Variants in CBX5 observed in about 807,000 individuals in gnomAD.
CBX5 encodes the protein chromobox 5.
In CBX5, 7 loss-of-function variants were observed where a neutral mutation model predicts 20.7. That is an observed-to-expected ratio of 0.34 (90% CI 0.19 to 0.63). The LOEUF (loss-of-function observed/expected upper bound fraction) is 0.63. Among genes scored for constraint, CBX5 ranks in the 30% least tolerant of loss-of-function variants. The pLI is 0.75. For missense variants in CBX5, 110 were observed against 224.1 expected (o/e 0.49, Z 3.25); for synonymous variants, 78 against 77.0 (o/e 1.01, Z -0.07).
chr12:54,265,023 C>A (rs765449918), intron 1 of CBX5, among the ~76,000 whole-genome samples: 1 of 152,056 alleles, frequency 6.6e-6, no homozygotes, highest in Non-Finnish European at 1.5e-5. Context: ...AGGAAGTAAG[C>A]CAGGGTTAAA....
rs1943626138 is a variant in CBX5, at chr12:54,236,666, G to A, written c.*5089C>T. 6.6e-6 allele frequency: 1 copy of A among 152,046 alleles called. No individual in the cohort carries two copies. Among genetic ancestry groups the A allele is most frequent in the African/African-American group, 2.4e-5 (1 of 41,406 alleles). 9.4% of individuals were successfully genotyped at this position (152,046 alleles called of 1,614,324 possible). A position where few individuals can be genotyped will look rare whatever the true frequency, so the allele number is the denominator to read the frequency against. On this transcript the variant is annotated 3_prime_UTR_variant, in exon 5 of 5. Transcript: ENST00000209875. ...TTCTAAAATCTCAACCAAAATGATG[G>A]GATCATGGGTGCAAAGTGGGTTTTT... is the stretch of plus-strand genomic sequence containing the variant.
chr12:54,279,073 T>C (rs1240357507), intron 1 of CBX5: 1 of 152,250 alleles, frequency 6.6e-6, no homozygotes, highest in Non-Finnish European at 1.5e-5. Context: ...AGATCTAATC[T>C]GCCTCGATCC....
chr12:54,244,051 G>C (rs1943707451), intron 4 of CBX5, among the ~76,000 whole-genome samples: 1 of 151,480 alleles, frequency 6.6e-6, no homozygotes, highest in Admixed American at 6.6e-5. Context: ...GCCCAGGCTG[G>C]AGTGCAGTGA....
chr12:54,261,590 C>T (rs912306711), intron 1 of CBX5, among the ~76,000 whole-genome samples: 35 of 152,150 alleles, frequency 2.3e-4, no homozygotes, highest in Non-Finnish European at 2.4e-4. Context: ...ACACTGCACC[C>T]GGCCAGAAAT....
chr12:54,266,216 G>A (rs992126419), intron 1 of CBX5, among the ~76,000 whole-genome samples: 15 of 151,734 alleles, frequency 9.9e-5, no homozygotes, highest in Non-Finnish European at 1.8e-4. Context: ...TGGCCAACAT[G>A]GCGAAACCAC....
At chr12:54,244,610 C>T (rs1233186981) in intron 4 of CBX5, among the ~76,000 whole-genome samples, 1 of 151,790 alleles carries the variant, frequency 6.6e-6, no homozygotes, top group Non-Finnish European at 1.5e-5. Context: ...TGGTGGTAGG[C>T]GCCTGTAATC....
rs541195431 is a variant in CBX5 at position 54,231,832 on chromosome 12, G to C, written c.*9923C>G. On this transcript the variant is annotated 3_prime_UTR_variant, in exon 5 of 5. Coordinates refer to ENST00000209875, the MANE Select transcript of CBX5 (RefSeq NM_012117.3). ...TTCTAGGAAAAATAATTCCAATGTA[G>C]CTTTTGGGGGTGGGGGGTGGAAATA... 2.0e-5 allele frequency: 3 copies of C among 152,532 alleles called. No homozygotes were observed. In the South Asian group the frequency reaches 6.2e-4, roughly 32 times the overall value. 9.4% of individuals were successfully genotyped at this position (152,532 alleles called of 1,614,324 possible).
At chr12:54,279,143 TACAA>T (rs1944101243) in intron 1 of CBX5, 1 of 152,212 alleles carries the variant, frequency 6.6e-6, no homozygotes, top group Admixed American at 6.5e-5. Flanking sequence ...TCTGTGGACC[TACAA>T]ACATATTTGT....
rs1227779586 is a variant in CBX5, at chr12:54,235,534, A to T, written c.*6221T>A. Reference sequence around the variant, plus strand: ...GAGGCTGAGGCAGGAGAATGGCGTGAACCCGGGAGGTGGAGCTTGCAGTGA... The same window carrying T: ...GAGGCTGAGGCAGGAGAATGGCGTGTACCCGGGAGGTGGAGCTTGCAGTGA... On this transcript the variant is annotated 3_prime_UTR_variant, in exon 5 of 5. Coordinates refer to ENST00000209875, the MANE Select transcript of CBX5 (RefSeq NM_012117.3). 6.6e-6 allele frequency: 1 copy of T among 152,164 alleles called. No individual in the cohort carries two copies. The highest frequency in any genetic ancestry group is 2.4e-5 in the African/African-American group (1 of 41,410). 9.4% of individuals were successfully genotyped at this position (152,164 alleles called of 1,614,324 possible). A position where few individuals can be genotyped will look rare whatever the true frequency, so the allele number is the denominator to read the frequency against.
intron 3 of CBX5, among the ~76,000 whole-genome samples, chr12:54,251,268 G>C (rs1206454591): frequency 6.6e-6 from 1 of 152,012 alleles, no homozygotes; most frequent in African/African-American, 2.4e-5. Context: ...AGACCAGCCT[G>C]ACCAACATGG....
intron 1 of CBX5, among the ~76,000 whole-genome samples, chr12:54,275,923 G>C (rs1565876173): frequency 6.6e-6 from 1 of 151,026 alleles, no homozygotes; most frequent in African/African-American, 2.4e-5. Flanking sequence ...CTGGGAGGCG[G>C]AGGTTGAGGT....
At position 54,237,209 on chromosome 12, in the gene CBX5, T is replaced by TATC. The variant is rs1469548383; in HGVS notation, c.*4543_*4545dup. 2 of 152,164 alleles carry TATC rather than the reference T, an allele frequency of 1.3e-5. No individual in the cohort carries two copies. The highest frequency in any genetic ancestry group is 4.8e-5 in the African/African-American group (2 of 41,412). 9.4% of individuals were successfully genotyped at this position (152,164 alleles called of 1,614,324 possible). ...CACTATTCTGTCTATAATGAGAATATATCAATAGCAGGAAATCTACTTTCA... is the reference window on the plus strand; with the variant it reads ...CACTATTCTGTCTATAATGAGAATATATCATCAATAGCAGGAAATCTACTTTCA... On this transcript the variant is annotated 3_prime_UTR_variant, in exon 5 of 5. Transcript: ENST00000209875.
rs1268307846 is a variant in CBX5 at position 54,237,424 on chromosome 12, C to T, written c.*4331G>A. 2 of 152,112 alleles carry T rather than the reference C, an allele frequency of 1.3e-5. No homozygotes were observed. Among genetic ancestry groups the T allele is most frequent in the Non-Finnish European group, 2.9e-5 (2 of 68,024 alleles). The allele number at this position is 152,112 out of a possible 1,614,324, so 9.4% of individuals were successfully genotyped here. On this transcript the variant is annotated 3_prime_UTR_variant, in exon 5 of 5. Coordinates refer to ENST00000209875, the MANE Select transcript of CBX5 (RefSeq NM_012117.3). ...ACTAATTGCAGACTATAAAGATACC[C>T]AAAAATCCTTCTCAAAATAGCACCC...
chr12:54,263,400 A>T (rs538871745), intron 1 of CBX5, among the ~76,000 whole-genome samples: 1 of 151,718 alleles, frequency 6.6e-6, no homozygotes, highest in Non-Finnish European at 1.5e-5. Flanking sequence ...GTCCTCAGCA[A>T]TTACAGAGAG....
intron 1 of CBX5, among the ~76,000 whole-genome samples, chr12:54,263,975 G>A (rs1054837038): frequency 2.0e-5 from 3 of 151,882 alleles, no homozygotes; most frequent in Non-Finnish European, 4.4e-5. Flanking sequence ...CCCAGGAGGC[G>A]GGGCTTGCAG....
intron 1 of CBX5, among the ~76,000 whole-genome samples, chr12:54,266,127 G>A (rs915194486): frequency 4.6e-5 from 7 of 150,750 alleles, no homozygotes; most frequent in Admixed American, 2.6e-4. Flanking sequence ...AGATAAAAAC[G>A]GCTGCGTGCG....
chr12:54,247,819 G>A (rs1273847030), intron 3 of CBX5, among the ~76,000 whole-genome samples: 2 of 151,074 alleles, frequency 1.3e-5, no homozygotes, highest in Admixed American at 1.3e-4. Context: ...GATTATAGGT[G>A]CCTGCTACCA....
chr12:54,276,221 T>G lies in CBX5; in HGVS notation c.-43+3787A>C, dbSNP rs77495211. The stretch of plus-strand genomic sequence containing the variant: ...TTAATCTGTTTACATAGATACTCCT[T>G]GATGGGGTTATGTCCTGATAAACCC... On this transcript the variant is annotated intron_variant, in intron 1 of 4. Coordinates refer to ENST00000209875, the MANE Select transcript of CBX5 (RefSeq NM_012117.3). 1.8e-3 allele frequency among the ~76,000 whole-genome samples: 277 copies of G among 152,268 alleles called. 1 individual carries two copies. In the East Asian group the frequency reaches 0.03, roughly 16 times the overall value.
At position 54,239,559 on chromosome 12, in the gene CBX5, GAC is replaced by G. The variant is rs1366585747; in HGVS notation, c.*2194_*2195del. ...GCTACATTTATGATAAATGTTTCCT[GAC>G]CATCCTTTCCTTCTTTTAGATACCG... On this transcript the variant is annotated 3_prime_UTR_variant, in exon 5 of 5. Coordinates refer to ENST00000209875, the MANE Select transcript of CBX5 (RefSeq NM_012117.3). 1.3e-5 allele frequency: 2 copies of G among 152,100 alleles called. No homozygotes were observed. Among genetic ancestry groups the G allele is most frequent in the Non-Finnish European group, 2.9e-5 (2 of 68,020 alleles). The allele number at this position is 152,100 out of a possible 1,614,324, so 9.4% of individuals were successfully genotyped here.
Sources: allele counts gnomAD v4.1 joint callset (sites outside exome capture counted in the v4.1 genomes callset), GRCh38; gene constraint gnomAD v4.1.1; transcripts MANE v1.5; gene names NCBI Gene and HGNC (gene_info 2026-07-23, HGNC 2026-07-21).